Variants in PRKN observed in about 807,000 individuals in gnomAD.
PRKN encodes parkin RBR E3 ubiquitin protein ligase, also known as E3 ubiquitin-protein ligase parkin.
A neutral mutation model predicts 59.5 loss-of-function variants in PRKN; 56 were observed. That is an observed-to-expected ratio of 0.94 (90% CI 0.76 to 1.18). The LOEUF (loss-of-function observed/expected upper bound fraction) is 1.18. Among genes scored for constraint, PRKN ranks in the 50% most tolerant of loss-of-function variants. The probability of loss-of-function intolerance (pLI) is 0.00; values close to 1 mark genes in which losing one functional copy is unlikely to be tolerated. For synonymous variants in PRKN, 250 were observed against 222.1 expected (o/e 1.13, Z -1.12); for missense variants, 657 against 596.4 (o/e 1.10, Z -1.06).
intron 1 of PRKN, among the ~76,000 whole-genome samples, chr6:162,702,072 T>A (rs1220467469): frequency 6.6e-6 from 1 of 152,138 alleles, no homozygotes; most frequent in Non-Finnish European, 1.5e-5. Flanking sequence ...AATTGATATG[T>A]CTTTAAAATA....
intron 7 of PRKN, among the ~76,000 whole-genome samples, chr6:161,737,654 A>C (rs1177345481): frequency 6.6e-6 from 1 of 152,222 alleles, no homozygotes; most frequent in Non-Finnish European, 1.5e-5. Flanking sequence ...AGTGAAGCCC[A>C]GCAAGATTAC....
chr6:162,397,079 A>G (rs1295466218), intron 2 of PRKN, among the ~76,000 whole-genome samples: 3 of 152,154 alleles, frequency 2.0e-5, no homozygotes, highest in Admixed American at 6.6e-5. Flanking sequence ...TGGAACTATT[A>G]AGAAAGAGGC....
intron 9 of PRKN, among the ~76,000 whole-genome samples, chr6:161,422,202 T>C (rs1788135713): frequency 6.7e-6 from 1 of 149,644 alleles, no homozygotes; most frequent in Admixed American, 6.6e-5. Flanking sequence ...AAAATCTTTT[T>C]TTTTTTTTTT....
At chr6:161,421,719 T>G (rs1048320536) in intron 9 of PRKN, among the ~76,000 whole-genome samples, 17 of 152,192 alleles carry the variant, frequency 1.1e-4, no homozygotes, top group African/African-American at 4.1e-4. Context: ...AGTATAAAGT[T>G]AGCATAAGAA....
chr6:161,509,141 G>T lies in PRKN; in HGVS notation c.1083+39713C>A, dbSNP rs374804057. On this transcript the variant is annotated intron_variant, in intron 9 of 11. Transcript: ENST00000366898. Reference sequence around the variant, plus strand: ...TTACAGGCGTGAGCCACCATGTCTGGCCGGGTGTTATGATTCTATGACAAC... The same window carrying T: ...TTACAGGCGTGAGCCACCATGTCTGTCCGGGTGTTATGATTCTATGACAAC... Among the ~76,000 whole-genome samples, 466 of 152,240 alleles carry T rather than the reference G, an allele frequency of 3.1e-3. 3 individuals carry two copies. The highest frequency in any genetic ancestry group is 0.01 in the African/African-American group (429 of 41,542).
intron 1 of PRKN, among the ~76,000 whole-genome samples, chr6:162,578,288 A>T (rs116835713): frequency 5.3e-5 from 8 of 152,186 alleles, no homozygotes; most frequent in African/African-American, 1.9e-4. Flanking sequence ...AATTAAAAAT[A>T]TGAAAATTAA....
chr6:162,177,935 G>T (rs1783617582), intron 4 of PRKN, among the ~76,000 whole-genome samples: 1 of 152,150 alleles, frequency 6.6e-6, no homozygotes, highest in South Asian at 2.1e-4. Context: ...CTTTGAATGT[G>T]GCCAGGCCTC....
chr6:161,688,992 T>C (rs188000943), intron 7 of PRKN, among the ~76,000 whole-genome samples: 2 of 152,310 alleles, frequency 1.3e-5, no homozygotes, highest in South Asian at 2.1e-4. Flanking sequence ...TGGAAGCTTA[T>C]TGCCTTCCAA....
intron 9 of PRKN, among the ~76,000 whole-genome samples, chr6:161,408,482 C>CT (rs11313718): frequency 0.1 from 13,394 of 132,984 alleles, 783 homozygotes; most frequent in Middle Eastern, 0.21. Flanking sequence ...CTAGGTTTTC[C>CT]TTTTTTTTTT....
At chr6:162,646,999 C>T (rs1778210151) in intron 1 of PRKN, among the ~76,000 whole-genome samples, 1 of 151,982 alleles carries the variant, frequency 6.6e-6, no homozygotes, top group African/African-American at 2.4e-5. Flanking sequence ...AGTCCACAGC[C>T]AAGGACAAAA....
rs543691566 is a variant in PRKN at position 162,467,059 on chromosome 6, G to A, written c.8-23586C>T. Among the ~76,000 whole-genome samples the A allele has an allele frequency of 2.3e-3, 352 of 152,156 alleles. 5 individuals carry two copies. The highest frequency in any genetic ancestry group is 8.0e-3 in the African/African-American group (331 of 41,530). On this transcript the variant is annotated intron_variant, in intron 1 of 11. Coordinates refer to ENST00000366898, the MANE Select transcript of PRKN (RefSeq NM_004562.3). ...ATGATTCCCTGGATTCTATTATTAC[G>A]TTTATTTATTAGTATTATGAGTCTT...
At chr6:162,353,178 C>A (rs1036371475) in intron 2 of PRKN, among the ~76,000 whole-genome samples, 2 of 152,084 alleles carry the variant, frequency 1.3e-5, no homozygotes, top group Non-Finnish European at 2.9e-5. Flanking sequence ...GTCAGCTTCC[C>A]ATATTTTCCA....
At chr6:161,945,490 T>A (rs1779745033) in intron 6 of PRKN, among the ~76,000 whole-genome samples, 1 of 152,204 alleles carries the variant, frequency 6.6e-6, no homozygotes, top group Admixed American at 6.5e-5. Context: ...GGGAAAATTA[T>A]CATTCTGCCT....
intron 5 of PRKN, among the ~76,000 whole-genome samples, chr6:162,008,070 G>A (rs1036352166): frequency 5.3e-5 from 8 of 152,108 alleles, no homozygotes; most frequent in Non-Finnish European, 1.2e-4. Context: ...GGGATAAGAG[G>A]CATAACTGGA....
chr6:161,449,745 T>C (rs1789645453), intron 9 of PRKN, among the ~76,000 whole-genome samples: 1 of 150,178 alleles, frequency 6.7e-6, no homozygotes, highest in Admixed American at 6.8e-5. Flanking sequence ...AGTGAGGCAC[T>C]GACTAGACTT....
intron 7 of PRKN, among the ~76,000 whole-genome samples, chr6:161,710,160 G>A (rs1786678106): frequency 6.6e-6 from 1 of 150,818 alleles, no homozygotes; most frequent in Admixed American, 6.6e-5. Flanking sequence ...AATTCCCCAT[G>A]AAGCTTTGTC....
At chr6:161,751,260 G>C (rs545450522) in intron 7 of PRKN, among the ~76,000 whole-genome samples, 1 of 152,292 alleles carries the variant, frequency 6.6e-6, no homozygotes, top group South Asian at 2.1e-4. Flanking sequence ...CTCTCTCTGT[G>C]TGTAGAACAT....
Position 162,693,038 on chromosome 6 carries a change from A to C in PRKN, c.7+34624T>G, listed in dbSNP as rs1777838597. Among the ~76,000 whole-genome samples, 5 of 152,198 alleles carry C rather than the reference A, an allele frequency of 3.3e-5. No homozygotes were observed. The South Asian group carries it at 1.0e-3, about 32-fold the overall frequency. On this transcript the variant is annotated intron_variant, in intron 1 of 11. Transcript: ENST00000366898. ...ATAAATGCACAGAAAAAATAAGCCCATATAATTTGCTGTAGAATGTAAAAA... is the reference window on the plus strand; with the variant it reads ...ATAAATGCACAGAAAAAATAAGCCCCTATAATTTGCTGTAGAATGTAAAAA...
At chr6:161,974,521 T>C (rs1324350248) in intron 5 of PRKN, among the ~76,000 whole-genome samples, 1 of 152,142 alleles carries the variant, frequency 6.6e-6, no homozygotes, top group Non-Finnish European at 1.5e-5. Flanking sequence ...TTTCTTCACT[T>C]TTTTCTGTTC....
Sources: allele counts gnomAD v4.1 joint callset (sites outside exome capture counted in the v4.1 genomes callset), GRCh38; gene constraint gnomAD v4.1.1; transcripts MANE v1.5; gene names NCBI Gene and HGNC (gene_info 2026-07-23, HGNC 2026-07-21).